The following ZNF536 variants were observed in gnomAD, a reference collection of about 807,000 sequenced individuals.
ZNF536 encodes zinc finger protein 536.
Under a neutral mutation model 84.5 loss-of-function variants are expected in ZNF536, and 13 were observed. The ratio of observed to expected loss-of-function variants is 0.15; its 90% CI spans 0.10 to 0.24. The LOEUF is 0.24. Ranked by LOEUF, ZNF536 falls within the 10% of genes least tolerant of loss-of-function variation. The pLI is 1.00. For synonymous variants in ZNF536, 811 were observed against 742.5 expected (o/e 1.09, Z -1.50); for missense variants, 1,536 against 1,747.5 (o/e 0.88, Z 2.16).
At chr19:30,322,313 A>G (rs548080199) in intron 2 of ZNF536, among the ~76,000 whole-genome samples, 2 of 152,306 alleles carry the variant, frequency 1.3e-5, no homozygotes, top group African/African-American at 4.8e-5. Context: ...ATAAAAAAAT[A>G]CTATGATGAT....
intron 1 of ZNF536, among the ~76,000 whole-genome samples, chr19:30,242,380 G>A (rs932433175): frequency 3.9e-5 from 6 of 152,076 alleles, no homozygotes; most frequent in Admixed American, 2.0e-4. Context: ...AGCTTTAGGG[G>A]GTATCCGTTC....
At chr19:30,410,289 A>G (rs2050423875) in intron 1 of ZNF536, among the ~76,000 whole-genome samples, 1 of 152,040 alleles carries the variant, frequency 6.6e-6, no homozygotes, top group Non-Finnish European at 1.5e-5. Flanking sequence ...AAAATTTTGT[A>G]TTCACACATT....
chr19:30,642,250 A>G (rs2049293655), intron 1 of ZNF536, among the ~76,000 whole-genome samples: 1 of 152,158 alleles, frequency 6.6e-6, no homozygotes, highest in Non-Finnish European at 1.5e-5. Context: ...TAATTTTACA[A>G]ATTGTATATT....
intron 1 of ZNF536, among the ~76,000 whole-genome samples, chr19:30,567,318 AGGG>A (rs2046391677): frequency 1.3e-5 from 2 of 152,164 alleles, no homozygotes; most frequent in Non-Finnish European, 2.9e-5. Flanking sequence ...GGCACTGGGT[AGGG>A]ACCAGGTGTT....
At chr19:30,411,625 A>G (rs1038475938) in intron 1 of ZNF536, among the ~76,000 whole-genome samples, 1 of 152,114 alleles carries the variant, frequency 6.6e-6, no homozygotes, top group African/African-American at 2.4e-5. Flanking sequence ...ACCACGTGTC[A>G]CTTTCGGGCT....
intron 1 of ZNF536, among the ~76,000 whole-genome samples, chr19:30,651,683 G>C (rs1408583586): frequency 2.6e-5 from 4 of 152,146 alleles, no homozygotes; most frequent in African/African-American, 9.7e-5. Flanking sequence ...ATTTCAAAGA[G>C]AGGATCTCCT....
intron 2 of ZNF536, among the ~76,000 whole-genome samples, chr19:30,343,520 G>A (rs2047631176): frequency 6.6e-6 from 1 of 152,134 alleles, no homozygotes; most frequent in Non-Finnish European, 1.5e-5. Context: ...GAAAAATCCT[G>A]TGCCCAGGTG....
chr19:30,349,589 C>T (rs555423969), intron 2 of ZNF536, among the ~76,000 whole-genome samples: 6 of 152,168 alleles, frequency 3.9e-5, no homozygotes, highest in East Asian at 3.9e-4. Context: ...CCTAGGTAAC[C>T]GAGTGTACAC....
intron 2 of ZNF536, among the ~76,000 whole-genome samples, chr19:30,482,911 C>T (rs1001672707): frequency 6.6e-6 from 1 of 152,122 alleles, no homozygotes; most frequent in East Asian, 1.9e-4. Flanking sequence ...TCCATAGCGC[C>T]CTCCTCTGGG....
chr19:30,408,143 C>G (rs181239117), intron 1 of ZNF536, among the ~76,000 whole-genome samples: 205 of 152,256 alleles, frequency 1.3e-3, no homozygotes, highest in Non-Finnish European at 1.9e-3. Context: ...TGTACCTGTG[C>G]ACGAGTACAT....
chr19:30,539,147 G>A (rs56735974), intron 3 of ZNF536, among the ~76,000 whole-genome samples: 1 of 151,942 alleles, frequency 6.6e-6, no homozygotes, highest in African/African-American at 2.4e-5. Flanking sequence ...ACGCACACAG[G>A]AGATTTATAA....
chr19:30,653,223 A>G (rs141153580), intron 1 of ZNF536, among the ~76,000 whole-genome samples: 16 of 152,252 alleles, frequency 1.1e-4, no homozygotes, highest in Admixed American at 1.0e-3. Flanking sequence ...CTGACTCAGT[A>G]GTTCTGGGGA....
chr19:30,569,408 C>T (rs1244390080), intron 1 of ZNF536, among the ~76,000 whole-genome samples: 1 of 151,796 alleles, frequency 6.6e-6, no homozygotes, highest in Non-Finnish European at 1.5e-5. Flanking sequence ...CTTTGCCACA[C>T]CTTCTTGATG....
intron 2 of ZNF536, among the ~76,000 whole-genome samples, chr19:30,343,313 C>T (rs927267045): frequency 2.6e-5 from 4 of 152,294 alleles, no homozygotes; most frequent in African/African-American, 4.8e-5. Flanking sequence ...TGTGTGTTTA[C>T]GCCTCCAAAA....
chr19:30,379,668 T>G (rs1600469736), intron 1 of ZNF536, among the ~76,000 whole-genome samples: 5 of 148,560 alleles, frequency 3.4e-5, no homozygotes, highest in South Asian at 4.3e-4. Context: ...CGGTGGGAGG[T>G]GGGACGATGC....
At chr19:30,344,517 G>A (rs993380752) in intron 2 of ZNF536, among the ~76,000 whole-genome samples, 1 of 148,988 alleles carries the variant, frequency 6.7e-6, no homozygotes, top group African/African-American at 2.5e-5. Context: ...TGATGCATCC[G>A]TCACCTTCAT....
intron 1 of ZNF536, among the ~76,000 whole-genome samples, chr19:30,706,347 C>T (rs887474312): frequency 6.6e-6 from 1 of 151,970 alleles, no homozygotes; most frequent in Middle Eastern, 3.4e-3. Flanking sequence ...GTTAGCCGGT[C>T]GTGGTGGCGG....
intron 1 of ZNF536, among the ~76,000 whole-genome samples, chr19:30,667,745 G>A (rs2050389713): frequency 6.6e-6 from 1 of 150,748 alleles, no homozygotes; most frequent in South Asian, 2.1e-4. Context: ...TGGATATAGA[G>A]TACATGAACA....
chr19:30,512,994 A>G (rs929575854), intron 2 of ZNF536, among the ~76,000 whole-genome samples: 9 of 152,228 alleles, frequency 5.9e-5, no homozygotes, highest in African/African-American at 2.2e-4. Flanking sequence ...GTGCATTTTT[A>G]AAAGCTTATG....
Sources: gnomAD v4.1 joint callset for allele counts (sites outside exome capture counted in the v4.1 genomes callset) on GRCh38, gnomAD v4.1.1 for gene constraint, MANE v1.5 for transcripts, NCBI Gene and HGNC (gene_info 2026-07-23, HGNC 2026-07-21) for gene names.